Variants in MKNK1 observed in about 807,000 individuals in gnomAD.
MKNK1 encodes MAP kinase-interacting serine/threonine-protein kinase 1.
MKNK1 carries 30 observed loss-of-function variants against 49.3 expected under a neutral mutation model. The ratio of observed to expected loss-of-function variants is 0.61; its 90% CI spans 0.46 to 0.83. MKNK1 has a LOEUF of 0.83. Among genes scored for constraint, MKNK1 ranks in the 40% least tolerant of loss-of-function variants. The pLI, the probability that MKNK1 is intolerant of heterozygous loss-of-function variation, is 0.00. For synonymous variants in MKNK1, 176 were observed against 201.7 expected, an observed-to-expected ratio of 0.87 and a Z score of 1.08; for missense variants, 423 against 524.7, an observed-to-expected ratio of 0.81 and a Z score of 1.89.
At chr1:46,568,673 A>C (rs1669531664) in intron 7 of MKNK1, 175 bp from the exon 8 acceptor site, 1 of 630,098 alleles carries the variant, frequency 1.6e-6, no homozygotes, top group East Asian at 2.8e-5. Flanking sequence ...AACCAAAAGC[A>C]CAGTTGATTC....
intron 9 of MKNK1, among the ~76,000 whole-genome samples, chr1:46,564,626 G>A (rs984811659): frequency 4.6e-5 from 7 of 151,860 alleles, no homozygotes; most frequent in East Asian, 1.9e-4. Flanking sequence ...ACAGGTGCGC[G>A]CCACCATGCC....
chr1:46,581,176 A>C lies in MKNK1; in HGVS notation c.101-549T>G, dbSNP rs542392202. ...TTGGTAAATACTATCACAGAGGGAC[A>C]AAGTACAGTTAAAAAAAAAAGTTGG... On this transcript the variant is annotated intron_variant, in intron 3 of 12. Transcript: ENST00000371945. 1.4e-4 allele frequency among the ~76,000 whole-genome samples: 22 copies of C among 152,186 alleles called. No individual in the cohort carries two copies. In the South Asian group the frequency reaches 4.4e-3, roughly 30 times the overall value.
intron 9 of MKNK1, 42 bp downstream of exon 9, chr1:46,564,999 A>G: frequency 6.3e-7 from 1 of 1,584,742 alleles, no homozygotes; most frequent in Non-Finnish European, 8.7e-7. Context: ...TGGATCAGGG[A>G]AACACTCCAA....
chr1:46,585,821 C>T (rs111844397), intron 2 of MKNK1: 10 of 947,916 alleles, frequency 1.1e-5, no homozygotes, highest in East Asian at 5.0e-5. Flanking sequence ...ACAGCACCAC[C>T]GCACACGTAA....
chr1:46,568,618 T>A, intron 7 of MKNK1, 120 bp from the exon 8 acceptor site: 1 of 972,864 alleles, frequency 1.0e-6, no homozygotes, highest in Non-Finnish European at 1.6e-6. Context: ...TATGGTACAT[T>A]AAAAAATCAA....
At chr1:46,568,415 A>C (rs1386756447) in intron 8 of MKNK1, 28 bp downstream of exon 8, 1 of 1,610,778 alleles carries the variant, frequency 6.2e-7, no homozygotes, top group Non-Finnish European at 8.5e-7. Flanking sequence ...AGTATAAACT[A>C]TAACATTCCA....
chr1:46,594,032 C>T, intron 2 of MKNK1, 81 bp downstream of exon 2: 3 of 1,122,160 alleles, frequency 2.7e-6, no homozygotes, highest in South Asian at 1.4e-5. Flanking sequence ...GGTCTCTTAC[C>T]CGCCCTTTCC....
intron 2 of MKNK1, among the ~76,000 whole-genome samples, chr1:46,591,601 C>G (rs1368896044): frequency 6.6e-6 from 1 of 152,076 alleles, no homozygotes; most frequent in African/African-American, 2.4e-5. Flanking sequence ...GTGTAGAAAG[C>G]TGACAAAGGT....
intron 2 of MKNK1, among the ~76,000 whole-genome samples, chr1:46,588,744 C>T (rs1313424186): frequency 6.6e-6 from 1 of 151,306 alleles, no homozygotes; most frequent in Non-Finnish European, 1.5e-5. Flanking sequence ...GGGGGCGGAG[C>T]CTGCAGTGAG....
chr1:46,571,916 A>G (rs1670216934), intron 7 of MKNK1, 147 bp downstream of exon 7: 3 of 684,066 alleles, frequency 4.4e-6, no homozygotes, highest in Admixed American at 2.6e-5. Flanking sequence ...TTTCTCCCTC[A>G]ACTCCCATGG....
intron 4 of MKNK1, among the ~76,000 whole-genome samples, chr1:46,578,788 C>G (rs1018178206): frequency 4.0e-5 from 6 of 151,794 alleles, no homozygotes; most frequent in Admixed American, 3.9e-4. Flanking sequence ...GAGTCTTGCT[C>G]TGTCGCCCAG....
chr1:46,596,307 T>C (rs766060567), intron 1 of MKNK1, among the ~76,000 whole-genome samples: 3 of 152,240 alleles, frequency 2.0e-5, no homozygotes, highest in Non-Finnish European at 2.9e-5. Context: ...TTAAATTTCA[T>C]AGATTTTCAT....
At chr1:46,576,937 A>G (rs1671056389) in intron 4 of MKNK1, among the ~76,000 whole-genome samples, 1 of 152,252 alleles carries the variant, frequency 6.6e-6, no homozygotes, top group Non-Finnish European at 1.5e-5. Context: ...AGACTGAGGC[A>G]GCCGGCAAGA....
At chr1:46,594,530 T>G (rs1395744898) in intron 1 of MKNK1, among the ~76,000 whole-genome samples, 1 of 152,182 alleles carries the variant, frequency 6.6e-6, no homozygotes, top group Non-Finnish European at 1.5e-5. Flanking sequence ...AGGGGTGGCT[T>G]CTAATTCCTC....
intron 1 of MKNK1, among the ~76,000 whole-genome samples, chr1:46,601,522 C>G (rs2476167): frequency 1 from 152,026 of 152,370 alleles, 75,844 homozygotes; most frequent in Middle Eastern, 1. Context: ...TCTCTGAACA[C>G]AGCATTACCT....
At chr1:46,602,896 A>G (rs1441666308) in intron 1 of MKNK1, among the ~76,000 whole-genome samples, 1 of 152,210 alleles carries the variant, frequency 6.6e-6, no homozygotes, top group Non-Finnish European at 1.5e-5. Context: ...AGGAGACCAC[A>G]TGCACTTTCT....
chr1:46,580,426 C>G (rs1671559476), intron 4 of MKNK1, 104 bp downstream of exon 4: 4 of 825,110 alleles, frequency 4.8e-6, no homozygotes, highest in East Asian at 2.6e-5. Flanking sequence ...GTGAATACAG[C>G]TTCAGAGTCC....
At chr1:46,593,332 G>A (rs1414165450) in intron 2 of MKNK1, among the ~76,000 whole-genome samples, 1 of 152,126 alleles carries the variant, frequency 6.6e-6, no homozygotes, top group African/African-American at 2.4e-5. Flanking sequence ...CCAAGTAGCT[G>A]GCACTACAGG....
At position 46,576,424 on chromosome 1, in the gene MKNK1, C is replaced by G. The variant is rs1670966324; in HGVS notation, c.278+151G>C. On this transcript the variant is annotated intron_variant, in intron 5 of 12. Transcript: ENST00000371945. ...TGTTACTGCTGCTTTTCCTTTCTCTCCCTAACACTGAAAGGGGCGGAAGGA... is the reference window on the plus strand; with the variant it reads ...TGTTACTGCTGCTTTTCCTTTCTCTGCCTAACACTGAAAGGGGCGGAAGGA... The G allele has an allele frequency of 1.2e-5, 8 of 640,486 alleles. No individual in the cohort carries two copies. In the South Asian group the frequency reaches 1.3e-4, roughly 10 times the overall value. The allele number at this position is 640,486 out of a possible 1,614,324, so 39.7% of individuals were successfully genotyped here. A position where few individuals can be genotyped will look rare whatever the true frequency, so the allele number is the denominator to read the frequency against.
Sources: allele counts gnomAD v4.1 joint callset (sites outside exome capture counted in the v4.1 genomes callset), GRCh38; gene constraint gnomAD v4.1.1; transcripts MANE v1.5; gene names NCBI Gene and HGNC (gene_info 2026-07-23, HGNC 2026-07-21).